The following CBFB variants were observed in gnomAD, a reference collection of about 807,000 sequenced individuals.
CBFB encodes the protein CBF-beta.
Under a neutral mutation model 30.4 loss-of-function variants are expected in CBFB, and 9 were observed. That is an observed-to-expected ratio of 0.30 (90% CI 0.18 to 0.52). The LOEUF (loss-of-function observed/expected upper bound fraction) is 0.52, where lower values mean the gene tolerates loss of function less well. Ranked by LOEUF, CBFB falls within the 20% of genes least tolerant of loss-of-function variation. The pLI is 0.97. For missense variants in CBFB, 170 were observed against 244.0 expected, an observed-to-expected ratio of 0.70 and a Z score of 2.02; for synonymous variants, 94 against 84.0, an observed-to-expected ratio of 1.12 and a Z score of -0.65.
At chr16:67,038,455 G>A (rs555054110) in intron 3 of CBFB, among the ~76,000 whole-genome samples, 1 of 151,774 alleles carries the variant, frequency 6.6e-6, no homozygotes, top group South Asian at 2.1e-4. Context: ...GATCTTTTGT[G>A]CGTGACAAAA....
At position 67,098,778 on chromosome 16, in the gene CBFB, A is replaced by G. The variant is rs910615289; in HGVS notation, c.564A>G (p.Ter188=). The part of the protein sequence containing the change: ...LGGGDDLKLR[*] ...GTGGTGATGACCTCAAACTTCGTTAATTAATAGCACAGCAGATGTGTGCTG... is the reference window on the plus strand; with the variant it reads ...GTGGTGATGACCTCAAACTTCGTTAGTTAATAGCACAGCAGATGTGTGCTG... Residue 188 remains the stop codon, a stop_retained_variant, in exon 6 of 6, where the codon TAA becomes TAG. Coordinates refer to ENST00000412916, the MANE Select transcript of CBFB (RefSeq NM_022845.3). 1.3e-6 allele frequency: 2 copies of G among 1,565,864 alleles called. No homozygotes were observed. The highest frequency in any genetic ancestry group is 1.8e-6 in the Non-Finnish European group (2 of 1,135,998).
At chr16:67,071,333 T>C (rs183767329) in intron 4 of CBFB, among the ~76,000 whole-genome samples, 1 of 152,242 alleles carries the variant, frequency 6.6e-6, no homozygotes, top group African/African-American at 2.4e-5. Flanking sequence ...ATAGGGCATT[T>C]ATGGAGGTAA....
At position 67,085,176 on chromosome 16, in the gene CBFB, C is replaced by G. The variant is rs535244644; in HGVS notation, c.495+2868C>G. Among the ~76,000 whole-genome samples, 3 of 149,944 alleles carry G rather than the reference C, an allele frequency of 2.0e-5. No homozygotes were observed. The East Asian group carries it at 5.9e-4, about 29-fold the overall frequency. On this transcript the variant is annotated intron_variant, in intron 5 of 5. Coordinates refer to ENST00000412916, the MANE Select transcript of CBFB (RefSeq NM_022845.3). ...TGTGTGTGTGTCTCTGTGTGTGTCT[C>G]TGTGTGTGTGTGTGATGGAGTCTCA...
chr16:67,053,720 G>A (rs541402518), intron 3 of CBFB, among the ~76,000 whole-genome samples: 86 of 152,076 alleles, frequency 5.7e-4, no homozygotes, highest in African/African-American at 2.0e-3. Context: ...CTGGAGTTAG[G>A]GCATCTGGCA....
chr16:67,040,089 A>G (rs918547623), intron 3 of CBFB, among the ~76,000 whole-genome samples: 12 of 152,304 alleles, frequency 7.9e-5, no homozygotes, highest in Middle Eastern at 3.4e-3. Flanking sequence ...GAGAAAAGGC[A>G]TTGCCCTGTG....
chr16:67,069,946 AC>A, intron 4 of CBFB, among the ~76,000 whole-genome samples: 1 of 152,332 alleles, frequency 6.6e-6, no homozygotes, highest in Middle Eastern at 3.4e-3. Context: ...CTGTGATCGC[AC>A]CACTGCACTC....
intron 3 of CBFB, among the ~76,000 whole-genome samples, chr16:67,049,675 T>TG (rs1319348115): frequency 1.3e-5 from 2 of 152,108 alleles, no homozygotes; most frequent in East Asian, 1.9e-4. Context: ...TTTGTAGAGA[T>TG]GGGGTCTCAC....
At chr16:67,087,063 G>A (rs768764329) in intron 5 of CBFB, among the ~76,000 whole-genome samples, 2 of 152,122 alleles carry the variant, frequency 1.3e-5, no homozygotes, top group African/African-American at 4.8e-5. Context: ...GAGTAAGAGA[G>A]CCTGCCAAGT....
chr16:67,044,434 A>G (rs959582095), intron 3 of CBFB, among the ~76,000 whole-genome samples: 1 of 152,238 alleles, frequency 6.6e-6, no homozygotes, highest in East Asian at 1.9e-4. Context: ...ATTTTAATTG[A>G]TAGTCAAATA....
chr16:67,077,221 C>T (rs778558737), intron 4 of CBFB, among the ~76,000 whole-genome samples: 1 of 152,078 alleles, frequency 6.6e-6, no homozygotes, highest in Non-Finnish European at 1.5e-5. Flanking sequence ...CAATATTTCA[C>T]GTTCAGTATA....
chr16:67,050,408 G>GT (rs1441881818), intron 3 of CBFB, among the ~76,000 whole-genome samples: 3 of 151,546 alleles, frequency 2.0e-5, no homozygotes, highest in Non-Finnish European at 4.4e-5. Flanking sequence ...TATATGTGCT[G>GT]TTTTTTTCCT....
intron 3 of CBFB, among the ~76,000 whole-genome samples, chr16:67,044,671 C>T (rs1325725817): frequency 1.3e-5 from 2 of 152,094 alleles, no homozygotes; most frequent in East Asian, 1.9e-4. Context: ...GTCTATGATT[C>T]TGCTTCTTCT....
intron 3 of CBFB, among the ~76,000 whole-genome samples, chr16:67,055,357 C>CTTTCTTTTTTTTTTTTTTTTT (rs1484285498): frequency 4.9e-5 from 4 of 81,474 alleles, no homozygotes; most frequent in African/African-American, 2.2e-4. Flanking sequence ...CAGACACTTT[C>CTTTCTTTTTTTTTTTTTTTTT]TTTTTTTTTT....
intron 3 of CBFB, among the ~76,000 whole-genome samples, chr16:67,051,603 A>C (rs1309208816): frequency 6.6e-6 from 1 of 152,036 alleles, no homozygotes; most frequent in Admixed American, 6.6e-5. Context: ...TTAGTTTTCT[A>C]AGTGTCATCA....
chr16:67,100,471 TA>T lies in CBFB; in HGVS notation c.*1695del, dbSNP rs1030863703. Reference sequence around the variant, plus strand: ...AGGCCATGCTGATCTTGCATAACTATAAGTACTATGAATGAATTTGGTTGGT... The same window carrying T: ...AGGCCATGCTGATCTTGCATAACTATAGTACTATGAATGAATTTGGTTGGT... On this transcript the variant is annotated 3_prime_UTR_variant, in exon 6 of 6. Transcript: ENST00000412916. The T allele has an allele frequency of 4.4e-6, 1 of 227,590 alleles. No individual in the cohort carries two copies. The highest frequency in any genetic ancestry group is 8.7e-6 in the Non-Finnish European group (1 of 114,338). 14.1% of individuals were successfully genotyped at this position (227,590 alleles called of 1,614,324 possible). A position where few individuals can be genotyped will look rare whatever the true frequency, so the allele number is the denominator to read the frequency against.
chr16:67,038,159 G>GT (rs1448692464), intron 3 of CBFB, among the ~76,000 whole-genome samples: 1 of 151,702 alleles, frequency 6.6e-6, no homozygotes, highest in East Asian at 1.9e-4. Flanking sequence ...TTTTGTACCC[G>GT]TTTCTATCAA....
intron 5 of CBFB, chr16:67,093,369 T>TG (rs1961954290): frequency 1.4e-5 from 1 of 73,006 alleles, no homozygotes; most frequent in Non-Finnish European, 2.5e-5. Context: ...TTTCAGCAGG[T>TG]TTTTTTTTTT....
intron 4 of CBFB, among the ~76,000 whole-genome samples, chr16:67,072,844 C>T (rs975703418): frequency 1.3e-5 from 2 of 151,576 alleles, no homozygotes. Context: ...AATGACAGCT[C>T]ACTACAGCCT....
intron 5 of CBFB, among the ~76,000 whole-genome samples, chr16:67,094,117 CTTTTTTT>C (rs757109594): frequency 7.7e-6 from 1 of 130,588 alleles, no homozygotes; most frequent in Admixed American, 7.7e-5. Flanking sequence ...CTTCCTCCCT[CTTTTTTT>C]TTTTTTTTTT....
Sources: allele counts gnomAD v4.1 joint callset (sites outside exome capture counted in the v4.1 genomes callset), GRCh38; gene constraint gnomAD v4.1.1; transcripts MANE v1.5; gene names NCBI Gene and HGNC (gene_info 2026-07-23, HGNC 2026-07-21).